The following FST variants were observed in gnomAD, a reference collection of about 807,000 sequenced individuals.
FST encodes activin-binding protein.
Under a neutral mutation model 38.4 loss-of-function variants are expected in FST, and 6 were observed. The observed-to-expected ratio is 0.16, with a 90% confidence interval of 0.09 to 0.31. The LOEUF (loss-of-function observed/expected upper bound fraction) is 0.31. Ranked by LOEUF, FST falls within the 10% of genes least tolerant of loss-of-function variation. The probability of loss-of-function intolerance (pLI) is 1.00; values close to 1 mark genes in which losing one functional copy is unlikely to be tolerated. For synonymous variants in FST, 157 were observed against 169.8 expected, an observed-to-expected ratio of 0.92 and a Z score of 0.59; for missense variants, 301 against 432.3, an observed-to-expected ratio of 0.70 and a Z score of 2.69.
intron 1 of FST, chr5:53,482,671 G>C: frequency 1.9e-6 from 1 of 521,362 alleles, no homozygotes; most frequent in Non-Finnish European, 3.4e-6. Context: ...TCTGTGATCA[G>C]GGCTTCCCCC....
At chr5:53,481,912 T>TATGTTG (rs1485946403) in intron 1 of FST, among the ~76,000 whole-genome samples, 1 of 152,240 alleles carries the variant, frequency 6.6e-6, no homozygotes, top group African/African-American at 2.4e-5. Context: ...TGCTTCAGCG[T>TATGTTG]TAACATTTTA....
Position 53,483,822 on chromosome 5 carries a change from G to T in FST, c.496+100G>T, listed in dbSNP as rs146861215. On this transcript the variant is annotated intron_variant, in intron 3 of 5. Transcript: ENST00000256759. This position sits in a 1 kb window ranked among gnomAD's most constrained non-coding sequence, Gnocchi z 4.1. ...AGACCCTTGGGGGATGGTGTAGTCCGCAGTAAGAGCCTGATAATAGTAATA... is the reference window on the plus strand; with the variant it reads ...AGACCCTTGGGGGATGGTGTAGTCCTCAGTAAGAGCCTGATAATAGTAATA... 2.1e-4 allele frequency: 171 copies of T among 818,236 alleles called. No homozygotes were observed. The highest frequency in any genetic ancestry group is 2.5e-4 in the Non-Finnish European group (126 of 503,274). The allele number at this position is 818,236 out of a possible 1,614,324, so 50.7% of individuals were successfully genotyped here. A position where few individuals can be genotyped will look rare whatever the true frequency, so the allele number is the denominator to read the frequency against.
chr5:53,484,342 A>G, intron 4 of FST, 49 bp downstream of exon 4: 6 of 1,573,252 alleles, frequency 3.8e-6, no homozygotes, highest in Non-Finnish European at 5.2e-6. Flanking sequence ...GGCTAGTTCT[A>G]TTATTAAACT....
At position 53,483,052 on chromosome 5, in the gene FST, C is replaced by A. The variant is rs945457480; in HGVS notation, c.258C>A (p.Pro86=). The change falls in exon 2 of 6, where the codon CCC becomes CCA. Residue 86 remains proline, a synonymous_variant. Coordinates refer to ENST00000256759, the MANE Select transcript of FST (RefSeq NM_013409.3). This position sits in a 1 kb window ranked among gnomAD's most constrained non-coding sequence, Gnocchi z 4.1. ...FKWMIFNGGA[P]NCIPCKETCE... ...GGATGATTTTCAACGGGGGCGCCCC[C>A]AACTGCATCCCCTGTAAAGGTAGGA... 2 of 1,612,758 alleles carry A rather than the reference C, an allele frequency of 1.2e-6. No homozygotes were observed. Among genetic ancestry groups the A allele is most frequent in the African/African-American group, 1.3e-5 (1 of 75,028 alleles).
chr5:53,481,304 C>A (rs1420947396), intron 1 of FST, among the ~76,000 whole-genome samples: 2 of 150,740 alleles, frequency 1.3e-5, no homozygotes, highest in Non-Finnish European at 3.0e-5. Context: ...AAAAGAAAAC[C>A]TGGGGGTTTG....
intron 4 of FST, 140 bp from the exon 5 acceptor site, chr5:53,484,857 C>T: frequency 1.7e-6 from 1 of 585,178 alleles, no homozygotes; most frequent in East Asian, 2.8e-5. Context: ...ATCTCCATTA[C>T]CCCCATTAGT....
intron 1 of FST, 88 bp from the exon 2 acceptor site, chr5:53,482,792 G>A: frequency 3.6e-6 from 2 of 559,788 alleles, no homozygotes; most frequent in Non-Finnish European, 6.2e-6. Context: ...CATCCCCGCC[G>A]GGTCTCCTTC....
rs1747544569 is a variant in FST, at chr5:53,486,174, A to G, written c.*141A>G. 7.6e-6 allele frequency: 4 copies of G among 526,396 alleles called. No individual in the cohort carries two copies. Among genetic ancestry groups the G allele is most frequent in the Non-Finnish European group, 1.3e-5 (4 of 305,994 alleles). The allele number at this position is 526,396 out of a possible 1,614,324, so 32.6% of individuals were successfully genotyped here. ...TTATTTGGGGGGAAAACTATACATTAAAGGACCTTTGTCCTAAAGCTCTCT... is the reference window on the plus strand; with the variant it reads ...TTATTTGGGGGGAAAACTATACATTGAAGGACCTTTGTCCTAAAGCTCTCT... On this transcript the variant is annotated 3_prime_UTR_variant, in exon 6 of 6. Transcript: ENST00000256759.
intron 1 of FST, chr5:53,482,613 C>T (rs889301143): frequency 1.3e-4 from 59 of 462,318 alleles, no homozygotes; most frequent in Middle Eastern, 1.1e-3. Flanking sequence ...GGCTGGGGCG[C>T]CCTGTCTTCT....
rs1747389213 is a variant in FST at position 53,483,853 on chromosome 5, A to AC, written c.496+133dup. On this transcript the variant is annotated intron_variant, in intron 3 of 5. Transcript: ENST00000256759. The surrounding 1 kb of genome is among the most constrained non-coding windows in gnomAD (Gnocchi z 4.1). ...AGAGCCTGATAATAGTAATACTGAAACCAAATAAAGGAGTCCTTTTCTAAC... is the reference window on the plus strand; with the variant it reads ...AGAGCCTGATAATAGTAATACTGAAACCCAAATAAAGGAGTCCTTTTCTAAC... The AC allele has an allele frequency of 1.4e-6, 1 of 726,100 alleles. No individual in the cohort carries two copies. The highest frequency in any genetic ancestry group is 1.9e-5 in the South Asian group (1 of 53,590). 45.0% of individuals were successfully genotyped at this position (726,100 alleles called of 1,614,324 possible).
Position 53,486,128 on chromosome 5 carries a change from T to C in FST, c.*95T>C, listed in dbSNP as rs1190609983. Reference sequence around the variant, plus strand: ...AAAAAGAAAAATATATTGTCCATACTGTAAATAAGTGTATGCTTATTTATT... The same window carrying C: ...AAAAAGAAAAATATATTGTCCATACCGTAAATAAGTGTATGCTTATTTATT... On this transcript the variant is annotated 3_prime_UTR_variant, in exon 6 of 6. Transcript: ENST00000256759. The C allele has an allele frequency of 1.6e-6, 1 of 636,826 alleles. No individual in the cohort carries two copies. Among genetic ancestry groups the C allele is most frequent in the Non-Finnish European group, 2.7e-6 (1 of 374,712 alleles). The allele number at this position is 636,826 out of a possible 1,614,324, so 39.4% of individuals were successfully genotyped here.
At chr5:53,482,663 T>A in intron 1 of FST, 1 of 460,296 alleles carries the variant, frequency 2.2e-6, no homozygotes, top group Non-Finnish European at 3.9e-6. Flanking sequence ...CTCCCATCTC[T>A]GTGATCAGGG....
rs1747535277 is a variant in FST at position 53,486,078 on chromosome 5, AAAAAAAAAAAAAAAAG to A, written c.*51_*66del. ...TGTTGACATAGCCTTTGTGCAAAAA[AAAAAAAAAAAAAAAAG>A]AAAAAGAAAAAAAGAAAAATATATT... is the stretch of plus-strand genomic sequence containing the variant. On this transcript the variant is annotated 3_prime_UTR_variant, in exon 6 of 6. Transcript: ENST00000256759. 1 of 712,280 alleles carries A rather than the reference AAAAAAAAAAAAAAAAG, an allele frequency of 1.4e-6. No homozygotes were observed. The highest frequency in any genetic ancestry group is 1.8e-5 in the African/African-American group (1 of 54,714). 44.1% of individuals were successfully genotyped at this position (712,280 alleles called of 1,614,324 possible). A position where few individuals can be genotyped will look rare whatever the true frequency, so the allele number is the denominator to read the frequency against.
chr5:53,485,650 T>C (rs371093612), intron 5 of FST: 59 of 1,327,952 alleles, frequency 4.4e-5, no homozygotes, highest in African/African-American at 3.2e-4. Context: ...AAAGCAGTTA[T>C]ACCTAGAACA....
rs1747343496 is a variant in FST at position 53,483,128 on chromosome 5, C to T, written c.277+57C>T. The T allele has an allele frequency of 7.6e-6, 9 of 1,189,980 alleles. No individual in the cohort carries two copies. The highest frequency in any genetic ancestry group is 1.1e-5 in the Non-Finnish European group (9 of 810,848). The allele number at this position is 1,189,980 out of a possible 1,614,324, so 73.7% of individuals were successfully genotyped here. ...TCAGTAGAGGGCGTCTTACCCTTAG[C>T]TTCCCCACTACCTGACTGGGGTTTG... On this transcript the variant is annotated intron_variant, in intron 2 of 5. Coordinates refer to ENST00000256759, the MANE Select transcript of FST (RefSeq NM_013409.3). The surrounding 1 kb of genome is among the most constrained non-coding windows in gnomAD (Gnocchi z 4.1).
rs1299399139 is a variant in FST, at chr5:53,486,904, A to G, written c.*871A>G. 6 of 152,250 alleles carry G rather than the reference A, an allele frequency of 3.9e-5. No individual in the cohort carries two copies. Among genetic ancestry groups the G allele is most frequent in the African/African-American group, 1.2e-4 (5 of 41,462 alleles). 9.4% of individuals were successfully genotyped at this position (152,250 alleles called of 1,614,324 possible). A position where few individuals can be genotyped will look rare whatever the true frequency, so the allele number is the denominator to read the frequency against. On this transcript the variant is annotated 3_prime_UTR_variant, in exon 6 of 6. Coordinates refer to ENST00000256759, the MANE Select transcript of FST (RefSeq NM_013409.3). ...TTAAATTAGTTCTTTTTCAACCAGT[A>G]TATCACTAAAAGTTATATCAAAGCT...
intron 5 of FST, chr5:53,485,562 TCCAACGACAGC>T: frequency 1.5e-6 from 1 of 655,888 alleles, no homozygotes; most frequent in Non-Finnish European, 2.7e-6. Context: ...TTTTTTTTTT[TCCAACGACAGC>T]TTCATATTAT....
intron 4 of FST, among the ~76,000 whole-genome samples, chr5:53,484,544 T>G (rs1307360290): frequency 6.6e-6 from 1 of 152,234 alleles, no homozygotes; most frequent in Non-Finnish European, 1.5e-5. Context: ...ACTTAGAACT[T>G]ACTCAATTTT....
At chr5:53,481,478 A>AAAAAAAAAAAAAAAAAC (rs1747205861) in intron 1 of FST, among the ~76,000 whole-genome samples, 1 of 150,278 alleles carries the variant, frequency 6.7e-6, no homozygotes, top group African/African-American at 2.4e-5. Context: ...AAAAAAAAAA[A>AAAAAAAAAAAAAAAAAC]AAAAAAAAGC....
Sources: allele counts gnomAD v4.1 joint callset (sites outside exome capture counted in the v4.1 genomes callset), GRCh38; gene constraint gnomAD v4.1.1; non-coding constraint Gnocchi (gnomAD v3.1); transcripts MANE v1.5; gene names NCBI Gene and HGNC (gene_info 2026-07-23, HGNC 2026-07-21).